The following TRPM6 variants were observed in gnomAD, a reference collection of about 807,000 sequenced individuals.
TRPM6 encodes channel kinase 2.
Under a neutral mutation model 247.6 loss-of-function variants are expected in TRPM6, and 111 were observed. The ratio of observed to expected loss-of-function variants is 0.45; its 90% confidence interval spans 0.38 to 0.52. The LOEUF (loss-of-function observed/expected upper bound fraction) is 0.52. Among genes scored for constraint, TRPM6 ranks in the 20% least tolerant of loss-of-function variants. TRPM6 has a pLI of 0.00. For missense variants in TRPM6, 2,126 were observed against 2,421.5 expected, an observed-to-expected ratio of 0.88 and a Z score of 2.56; for synonymous variants, 892 against 853.8, an observed-to-expected ratio of 1.04 and a Z score of -0.78.
intron 17 of TRPM6, among the ~76,000 whole-genome samples, chr9:74,797,387 ACATCAAATGGTGTTGTATTTC>A (rs1380711795): frequency 1.3e-5 from 2 of 152,220 alleles, no homozygotes; most frequent in African/African-American, 4.8e-5. Flanking sequence ...CAAGTCCCTG[ACATCAAATGGTGTTGTATTTC>A]CATATAACCT....
chr9:74,858,075 C>T (rs1279672054), intron 2 of TRPM6, among the ~76,000 whole-genome samples: 1 of 152,188 alleles, frequency 6.6e-6, no homozygotes, highest in Non-Finnish European at 1.5e-5. Flanking sequence ...AGAATAACTT[C>T]TTTGTACTTC....
chr9:74,860,790 G>A (rs1261809459), intron 1 of TRPM6, among the ~76,000 whole-genome samples: 1 of 152,224 alleles, frequency 6.6e-6, no homozygotes, highest in African/African-American at 2.4e-5. Context: ...GGCCGAGGCA[G>A]GTGGATCACT....
At chr9:74,744,642 A>G (rs577212507) in intron 31 of TRPM6, among the ~76,000 whole-genome samples, 30 of 152,350 alleles carry the variant, frequency 2.0e-4, no homozygotes, top group Admixed American at 1.8e-3. Flanking sequence ...ATAATATAGC[A>G]CCAAGAGATT....
chr9:74,876,667 C>A (rs1428796044), intron 1 of TRPM6, among the ~76,000 whole-genome samples: 1 of 152,196 alleles, frequency 6.6e-6, no homozygotes, highest in Admixed American at 6.5e-5. Context: ...TTATACCAAT[C>A]CCTGAAGCAC....
In TRPM6 at chr9:74,869,095, G is replaced by A. The variant is rs114821357; in HGVS notation, c.34-10347C>T. On this transcript the variant is annotated intron_variant, in intron 1 of 38. Coordinates refer to ENST00000360774, the MANE Select transcript of TRPM6 (RefSeq NM_017662.5). ...TAAGAAGAATGGCAATTTTGTCCACGATGAACAAATCAATTTCAAGAGATT... is the reference window on the plus strand; with the variant it reads ...TAAGAAGAATGGCAATTTTGTCCACAATGAACAAATCAATTTCAAGAGATT... Among the ~76,000 whole-genome samples, 1,260 of 152,214 alleles carry A rather than the reference G, an allele frequency of 8.3e-3. 14 individuals are homozygous for A. The highest frequency in any genetic ancestry group is 0.029 in the African/African-American group (1,189 of 41,530).
chr9:74,800,904 G>GT lies in TRPM6; in HGVS notation c.2010-423dup, dbSNP rs773826827. Reference sequence around the variant, plus strand: ...TCCCTGATAAGACCTAATAAAGTGTGTTTTTTTTTTTTTTTTTGACAAAAA... The same window carrying GT: ...TCCCTGATAAGACCTAATAAAGTGTGTTTTTTTTTTTTTTTTTTGACAAAAA... On this transcript the variant is annotated intron_variant, in intron 16 of 38. Coordinates refer to ENST00000360774, the MANE Select transcript of TRPM6 (RefSeq NM_017662.5). Among the ~76,000 whole-genome samples the GT allele has an allele frequency of 7.4e-3, 815 of 110,506 alleles. 11 individuals are homozygous for GT. Among genetic ancestry groups the GT allele is most frequent in the East Asian group, 0.048 (136 of 2,828 alleles). The allele number at this position is 110,506 out of a possible 152,430, so 72.5% of individuals were successfully genotyped here.
intron 38 of TRPM6, among the ~76,000 whole-genome samples, chr9:74,725,252 A>G (rs1415307926): frequency 1.3e-5 from 2 of 152,208 alleles, no homozygotes; most frequent in East Asian, 3.9e-4. Flanking sequence ...AAGTTAAAAG[A>G]AAATATTAAT....
Position 74,834,113 on chromosome 9 carries a change from T to A in TRPM6, c.554A>T (p.Lys185Met). The change falls in exon 6 of 39, where the codon AAG becomes ATG. Residue 185 changes from lysine to methionine, a missense_variant. By Grantham distance (95) the Lys-to-Met change is moderately conservative (BLOSUM62 -1). Transcript: ENST00000360774. The part of the protein sequence containing the change: ...ITEGINTGVS[K>M]HVGDALKSHS... The stretch of plus-strand genomic sequence containing the variant: ...GGATTTCAAGGCATCCCCAACATGC[T>A]TGGACACTCCTATGAACAACCAGTT... 6.2e-7 allele frequency: 1 copy of A among 1,614,072 alleles called. No homozygotes were observed.
chr9:74,867,436 A>G (rs1277332448), intron 1 of TRPM6, among the ~76,000 whole-genome samples: 1 of 152,180 alleles, frequency 6.6e-6, no homozygotes, highest in Non-Finnish European at 1.5e-5. Context: ...ACCATTCCCC[A>G]GATGGTCTCA....
chr9:74,782,151 A>T (rs1006603107), intron 23 of TRPM6, among the ~76,000 whole-genome samples: 3 of 152,204 alleles, frequency 2.0e-5, no homozygotes, highest in African/African-American at 4.8e-5. Flanking sequence ...TCCTCCACAG[A>T]TAACGATGGA....
intron 37 of TRPM6, among the ~76,000 whole-genome samples, chr9:74,732,479 T>C (rs996616650): frequency 2.0e-5 from 3 of 152,260 alleles, no homozygotes; most frequent in African/African-American, 7.2e-5. Context: ...GCAGATTTAA[T>C]ATCATTTTAC....
At chr9:74,858,835 A>C in intron 1 of TRPM6, 87 bp from the exon 2 acceptor site, 1 of 1,051,628 alleles carries the variant, frequency 9.5e-7, no homozygotes, top group South Asian at 1.4e-5. Flanking sequence ...GAAATACTCA[A>C]GTATCATGAA....
At position 74,802,105 on chromosome 9, in the gene TRPM6, G is replaced by T; in HGVS notation, c.1802C>A (p.Ser601Tyr). The T allele has an allele frequency of 6.2e-7, 1 of 1,614,140 alleles. No homozygotes were observed. Among genetic ancestry groups the T allele is most frequent in the Non-Finnish European group, 8.5e-7 (1 of 1,180,010 alleles). Residue 601 changes from serine to tyrosine, a missense_variant, in exon 16 of 39, where the codon TCT (serine) becomes TAT (tyrosine). By Grantham distance (144) the Ser-to-Tyr change is moderately radical. Coordinates refer to ENST00000360774, the MANE Select transcript of TRPM6 (RefSeq NM_017662.5). ...KEQNVSDDPE[S>Y]TGFLYPYNDL... ...ATTGTAAGGGTAAAGAAAGCCAGTA[G>T]ACTCAGGGTCATCTGATACATTTTG...
chr9:74,880,715 G>A (rs931634371), intron 1 of TRPM6, among the ~76,000 whole-genome samples: 3 of 152,010 alleles, frequency 2.0e-5, no homozygotes, highest in African/African-American at 7.2e-5. Context: ...GAAGCAAAAA[G>A]ACAGTATCTA....
chr9:74,762,520 A>G lies in TRPM6; in HGVS notation c.4151T>C (p.Leu1384Pro). The part of the protein sequence containing the change: ...ATEQDIQTEV[L>P]VHLTGQTPVV... The stretch of plus-strand genomic sequence containing the variant: ...TGGGGTCTGCCCAGTCAGATGAACA[A>G]GAACCTCAGTCTGGATGTCCTGTTC... Residue 1384 changes from leucine (L) to proline (P), a missense_variant, in exon 26 of 39, where the codon CTT becomes CCT. Coordinates refer to ENST00000360774, the MANE Select transcript of TRPM6 (RefSeq NM_017662.5). The G allele has an allele frequency of 6.2e-7, 1 of 1,614,226 alleles. No homozygotes were observed. The highest frequency in any genetic ancestry group is 1.1e-5 in the South Asian group (1 of 91,092).
At chr9:74,818,891 T>G (rs1387393109) in intron 9 of TRPM6, among the ~76,000 whole-genome samples, 3 of 151,852 alleles carry the variant, frequency 2.0e-5, no homozygotes, top group Non-Finnish European at 4.4e-5. Context: ...GGTACTCAAA[T>G]ATTACCAAAA....
chr9:74,886,198 T>G (rs1313448862), intron 1 of TRPM6, among the ~76,000 whole-genome samples: 1 of 152,152 alleles, frequency 6.6e-6, no homozygotes, highest in Non-Finnish European at 1.5e-5. Context: ...TAGTCTCCAG[T>G]TTTGGCCCAA....
chr9:74,745,124 G>A (rs748322205), intron 31 of TRPM6, among the ~76,000 whole-genome samples: 2 of 152,190 alleles, frequency 1.3e-5, no homozygotes, highest in Non-Finnish European at 2.9e-5. Flanking sequence ...TACAGTTAAA[G>A]TAATATACGT....
intron 31 of TRPM6, among the ~76,000 whole-genome samples, chr9:74,746,220 C>T (rs1292284475): frequency 7.0e-6 from 1 of 142,070 alleles, no homozygotes; most frequent in African/African-American, 2.6e-5. Context: ...GCCTGGGCGA[C>T]AAAGTGAGAC....
Sources: gnomAD v4.1 joint callset for allele counts (sites outside exome capture counted in the v4.1 genomes callset) on GRCh38, gnomAD v4.1.1 for gene constraint, MANE v1.5 for transcripts, NCBI Gene and HGNC (gene_info 2026-07-23, HGNC 2026-07-21) for gene names.